RIF1: variants seen among roughly 807,000 people sequenced by gnomAD.
The protein encoded by RIF1 is telomere-associated protein RIF1.
RIF1 carries 45 observed loss-of-function variants against 247.1 expected under a neutral mutation model. That is an observed-to-expected ratio of 0.18 (90% confidence interval 0.14 to 0.23). RIF1 has a LOEUF of 0.23. RIF1 is among the 10% of genes least tolerant of loss of function. RIF1 has a pLI of 1.00. For missense variants in RIF1, 2,967 were observed against 2,862.5 expected, an observed-to-expected ratio of 1.04 and a Z score of -0.83; for synonymous variants, 1,087 against 978.8, an observed-to-expected ratio of 1.11 and a Z score of -2.06.
Position 151,461,187 on chromosome 2 carries a change from A to G in RIF1, c.3125A>G (p.Glu1042Gly), listed in dbSNP as rs773364457. 1.2e-6 allele frequency: 2 copies of G among 1,613,292 alleles called. No homozygotes were observed. Among genetic ancestry groups the G allele is most frequent in the Non-Finnish European group, 1.7e-6 (2 of 1,179,660 alleles). Residue 1042 changes from glutamate (E) to glycine (G), a missense_variant, in exon 27 of 36, where the codon GAA becomes GGA. Around this residue, in one of 7 missense-constraint regions of RIF1, gnomAD observed 2,028 missense variants for 1,825.6 expected, o/e 1.11. Transcript: ENST00000444746. ...AAAGTAAAGGGTGAAATTCTTTTGG[A>G]AGAGGAAAAGTCTACTGACTTTGTG... ...SLKVKGEILL[E>G]EEKSTDFVFI...
chr2:151,527,297 T>C, the RIF1 span, among the ~76,000 whole-genome samples: 1 of 152,146 alleles, frequency 6.6e-6, no homozygotes, highest in Non-Finnish European at 1.5e-5. Context: ...CAAAGGAGAA[T>C]AGGCTCCATG....
At chr2:151,424,489 T>C (rs1688671820) in intron 8 of RIF1, among the ~76,000 whole-genome samples, 5 of 152,230 alleles carry the variant, frequency 3.3e-5, no homozygotes, top group Admixed American at 3.3e-4. Context: ...ATAACACATT[T>C]TGTTTATCTG....
Position 151,414,886 on chromosome 2 carries a change from T to C in RIF1, c.247T>C (p.Leu83=). 1 of 1,612,862 alleles carries C rather than the reference T, an allele frequency of 6.2e-7. No individual in the cohort carries two copies. Among genetic ancestry groups the C allele is most frequent in the South Asian group, 1.1e-5 (1 of 90,816 alleles). Reference sequence around the variant, plus strand: ...TGCTCTACAAGCCCTGGGGTTTTGCTTATATAATCCCAAAATTACCTCAGA... The same window carrying C: ...TGCTCTACAAGCCCTGGGGTTTTGCCTATATAATCCCAAAATTACCTCAGA... ...SAALQALGFC[L]YNPKITSELS... is the part of the protein sequence containing the mutation. Residue 83 remains leucine, a synonymous_variant, in exon 4 of 36, where the codon TTA becomes CTA. Coordinates refer to ENST00000444746, the MANE Select transcript of RIF1 (RefSeq NM_018151.5).
chr2:151,425,660 C>CT (rs34032157), intron 8 of RIF1, among the ~76,000 whole-genome samples: 43,232 of 82,274 alleles, frequency 0.53, 13,050 homozygotes, highest in African/African-American at 0.64. Flanking sequence ...TTGTGGTACC[C>CT]TTTTTTTTTT....
chr2:151,533,415 C>T, the RIF1 span: 1 of 1,463,158 alleles, frequency 6.8e-7, no homozygotes, highest in Non-Finnish European at 9.4e-7. Context: ...TTCTAAACCT[C>T]CTTCTTCACA....
chr2:151,441,869 C>T (rs370813704), intron 15 of RIF1, 36 bp from the exon 16 acceptor site: 38 of 939,572 alleles, frequency 4.0e-5, no homozygotes, highest in African/African-American at 2.8e-4. Flanking sequence ...AATATTTTTA[C>T]GGCTAATTTA....
downstream of RIF1, among the ~76,000 whole-genome samples, chr2:151,509,570 G>C (rs6433469): frequency 6.6e-6 from 1 of 151,872 alleles, no homozygotes; most frequent in African/African-American, 2.4e-5. Context: ...GCTATTTCTC[G>C]TGGCCCAATA....
chr2:151,506,021 C>G, intron 12 of RIF1: 1 of 741,206 alleles, frequency 1.3e-6, no homozygotes, highest in Non-Finnish European at 2.4e-6. Flanking sequence ...ATGACTCTAG[C>G]CACTGTGTGG....
the RIF1 span, among the ~76,000 whole-genome samples, chr2:151,516,802 C>G: frequency 2.0e-5 from 3 of 152,036 alleles, no homozygotes; most frequent in Non-Finnish European, 2.9e-5. Flanking sequence ...TTCAAGGACA[C>G]AAAAGAATCA....
chr2:151,532,832 A>C, the RIF1 span, among the ~76,000 whole-genome samples: 2 of 152,172 alleles, frequency 1.3e-5, no homozygotes, highest in Non-Finnish European at 2.9e-5. Flanking sequence ...TGCTGCATCA[A>C]ATTTACCTTT....
the RIF1 span, chr2:151,526,336 C>G: frequency 1.0e-6 from 1 of 985,688 alleles, no homozygotes; most frequent in Non-Finnish European, 1.6e-6. Context: ...ACCCTCAAAC[C>G]AGTAGAACAG....
chr2:151,486,290 C>G (rs2050299431), downstream of RIF1: 1 of 211,598 alleles, frequency 4.7e-6, no homozygotes, highest in Non-Finnish European at 9.6e-6. Context: ...ATTATTAAAA[C>G]CACAATGAGA....
At chr2:151,514,492 G>T in the RIF1 span, 2 of 1,289,322 alleles carry the variant, frequency 1.6e-6, no homozygotes, top group African/African-American at 1.5e-5. Context: ...CTCAGGCAAA[G>T]AAGAAAATAA....
rs1421908789 is a variant in RIF1 at position 151,479,002 on chromosome 2, G to A, written c.*3931G>A. 2.0e-5 allele frequency: 3 copies of A among 152,176 alleles called. No individual in the cohort carries two copies. Among genetic ancestry groups the A allele is most frequent in the African/African-American group, 7.2e-5 (3 of 41,422 alleles). The allele number at this position is 152,176 out of a possible 1,614,324, so 9.4% of individuals were successfully genotyped here. On this transcript the variant is annotated 3_prime_UTR_variant, in exon 36 of 36. Coordinates refer to ENST00000444746, the MANE Select transcript of RIF1 (RefSeq NM_018151.5). ...GAGTGAGGTTTTGATTTTTAACATAGTACTCTCAAACTTTGATGTGCATAT... is the reference window on the plus strand; with the variant it reads ...GAGTGAGGTTTTGATTTTTAACATAATACTCTCAAACTTTGATGTGCATAT...
chr2:151,439,710 A>G (rs1167425933), intron 14 of RIF1, among the ~76,000 whole-genome samples: 3 of 150,742 alleles, frequency 2.0e-5, no homozygotes, highest in Non-Finnish European at 4.4e-5. Flanking sequence ...TCAGCCAGGC[A>G]TGGTGGCTGA....
chr2:151,502,603 A>ATGTT (rs2065587488), intron 11 of RIF1, among the ~76,000 whole-genome samples: 1 of 152,064 alleles, frequency 6.6e-6, no homozygotes, highest in Admixed American at 6.6e-5. Flanking sequence ...ATAAATATCT[A>ATGTT]TGTTTTAGAG....
chr2:151,437,243 C>A lies in RIF1; in HGVS notation c.1375C>A (p.Pro459Thr). 1 of 1,603,452 alleles carries A rather than the reference C, an allele frequency of 6.2e-7. No individual in the cohort carries two copies. Among genetic ancestry groups the A allele is most frequent in the Non-Finnish European group, 8.5e-7 (1 of 1,170,558 alleles). ...KQNKLVLSLEPLEHPLISSPS... is the reference protein window; with the variant it reads ...KQNKLVLSLETLEHPLISSPS... ...TATCTTTTATTCTTCCCTTTCAGAG[C>A]CATTGGAACATCCGTTAATCAGCAG... Residue 459 changes from proline (P) to threonine (T), a missense_variant and splice_region_variant, in exon 13 of 36, where the codon CCA becomes ACA. Coordinates refer to ENST00000444746, the MANE Select transcript of RIF1 (RefSeq NM_018151.5).
intron 10 of RIF1, chr2:151,497,645 T>C: frequency 6.3e-7 from 1 of 1,579,386 alleles, no homozygotes; most frequent in Non-Finnish European, 8.6e-7. Context: ...ATTTTCTTGA[T>C]TGTGTTTGAC....
intron 4 of RIF1, 29 bp from the exon 5 acceptor site, chr2:151,416,532 A>G (rs1374885879): frequency 2.6e-6 from 4 of 1,565,816 alleles, no homozygotes; most frequent in Non-Finnish European, 3.5e-6. Context: ...CACCTATTCT[A>G]TACAAAATTA....
Sources: gnomAD v4.1 joint callset for allele counts (sites outside exome capture counted in the v4.1 genomes callset) on GRCh38, gnomAD v4.1.1 for gene constraint, gnomAD v4.1.1 regional missense constraint, MANE v1.5 for transcripts, NCBI Gene and HGNC (gene_info 2026-07-23, HGNC 2026-07-21) for gene names.